KLHL30: variants seen among roughly 807,000 people sequenced by gnomAD.
The protein encoded by KLHL30 is kelch-like protein 30.
In KLHL30, 55 loss-of-function variants were observed where a neutral mutation model predicts 55.0. The ratio of observed to expected loss-of-function variants is 1.00; its 90% CI spans 0.80 to 1.25. The LOEUF is 1.25. Among genes scored for constraint, KLHL30 ranks in the 50% most tolerant of loss-of-function variants. The probability of loss-of-function intolerance (pLI) is 0.00; values close to 1 mark genes in which losing one functional copy is unlikely to be tolerated. For synonymous variants in KLHL30, 356 were observed against 372.6 expected (o/e 0.96, Z 0.51); for missense variants, 786 against 811.6 (o/e 0.97, Z 0.38).
chr2:238,141,548 G>A lies in KLHL30; in HGVS notation c.774+20G>A, dbSNP rs376798084. 4.2e-6 allele frequency: 6 copies of A among 1,433,864 alleles called. No homozygotes were observed. Among genetic ancestry groups the A allele is most frequent in the Non-Finnish European group, 5.5e-6 (6 of 1,098,354 alleles). 88.8% of individuals were successfully genotyped at this position (1,433,864 alleles called of 1,614,324 possible). ...GATGGGGTGAGTGAGCGGCTGGGAG[G>A]CCCCATCCCTGGGAAGCAGGGAGGA... On this transcript the variant is annotated intron_variant, in intron 2 of 7. Transcript: ENST00000409223.
chr2:238,144,432 A>AGGAAGGAAGGC (rs1692607584), intron 3 of KLHL30, among the ~76,000 whole-genome samples: 1 of 82,380 alleles, frequency 1.2e-5, no homozygotes, highest in African/African-American at 4.6e-5. Context: ...GGAAGGAAGG[A>AGGAAGGAAGGC]AGGCAGGCAG....
chr2:238,145,298 G>A (rs760974665), intron 4 of KLHL30, among the ~76,000 whole-genome samples: 2 of 152,182 alleles, frequency 1.3e-5, no homozygotes, highest in African/African-American at 2.4e-5. Flanking sequence ...CGAGGTTGCA[G>A]GCGGCCTCCT....
intron 7 of KLHL30, 34 bp from the exon 8 acceptor site, chr2:238,150,780 G>T: frequency 6.5e-7 from 1 of 1,546,204 alleles, no homozygotes; most frequent in Non-Finnish European, 8.7e-7. Context: ...TCCAGCTCCC[G>T]CCCACCGGAC....
In KLHL30 at chr2:238,141,432, C is replaced by T. The variant is rs748440643; in HGVS notation, c.678C>T (p.Ala226=). ...TGCTCAGCCTAGTGCACCTGGACGC[C>T]GTGCCCAGGCCCTGCGTGCAGCAAC... ...PELLSLVHLD[A]VPRPCVQQLL... Residue 226 remains alanine (A), a synonymous_variant, in exon 2 of 8, where the codon GCC becomes GCT. Transcript: ENST00000409223. 1.6e-5 allele frequency: 25 copies of T among 1,556,632 alleles called. No homozygotes were observed. Among genetic ancestry groups the T allele is most frequent in the East Asian group, 7.1e-5 (3 of 42,482 alleles).
intron 5 of KLHL30, among the ~76,000 whole-genome samples, chr2:238,146,174 A>G (rs1346565405): frequency 6.6e-6 from 1 of 152,086 alleles, no homozygotes; most frequent in Non-Finnish European, 1.5e-5. Context: ...ACCTGCAGCT[A>G]CAGCAAGGAG....
In KLHL30 at chr2:238,140,950, T is replaced by G. The variant is rs779033412; in HGVS notation, c.196T>G (p.Phe66Val). The stretch of plus-strand genomic sequence containing the variant: ...CTTCCATGCCATGTTTGCGGGTGAC[T>G]TCGCCGAGAGCTTCTCTGCGCGCGT... ...PYFHAMFAGD[F>V]AESFSARVEL... Residue 66 changes from phenylalanine to valine, a missense_variant, in exon 2 of 8, where the codon TTC becomes GTC. By Grantham distance (50) the Phe-to-Val change is conservative (BLOSUM62 -1). Coordinates refer to ENST00000409223, the MANE Select transcript of KLHL30 (RefSeq NM_198582.4). The G allele has an allele frequency of 6.2e-7, 1 of 1,611,710 alleles. No individual in the cohort carries two copies. The highest frequency in any genetic ancestry group is 1.1e-5 in the South Asian group (1 of 91,020).
chr2:238,147,813 G>T lies in KLHL30; in HGVS notation c.1151-21G>T, dbSNP rs746616112. The T allele has an allele frequency of 1.4e-6, 2 of 1,430,454 alleles. No individual in the cohort carries two copies. Among genetic ancestry groups the T allele is most frequent in the Non-Finnish European group, 9.3e-7 (1 of 1,076,960 alleles). The allele number at this position is 1,430,454 out of a possible 1,614,324, so 88.6% of individuals were successfully genotyped here. ...CCCCTCTCCTCCCCAGCCCTGAACT[G>T]CCCCCGCCCTCACCCCACAGGCACC... On this transcript the variant is annotated intron_variant, in intron 5 of 7. Transcript: ENST00000409223. This position sits in a 1 kb window ranked among gnomAD's most constrained non-coding sequence, Gnocchi z 5.8.
At chr2:238,148,299 G>A (rs1311408500) in intron 6 of KLHL30, among the ~76,000 whole-genome samples, 5 of 152,190 alleles carry the variant, frequency 3.3e-5, no homozygotes, top group African/African-American at 1.2e-4. Flanking sequence ...AGTGGGCTGG[G>A]GCTGGGGGTG....
intron 7 of KLHL30, among the ~76,000 whole-genome samples, chr2:238,150,269 GACCGGCCTCCCGCTTCCCACCCGCCC>G (rs1263317084): frequency 6.6e-6 from 1 of 152,144 alleles, no homozygotes; most frequent in Admixed American, 6.5e-5. Context: ...GGAGGCCACA[GACCGGCCTCCCGCTTCCCACCCGCCC>G]GGGCTCTTCC....
chr2:238,150,012 G>A (rs879762498), intron 7 of KLHL30, among the ~76,000 whole-genome samples: 11 of 152,168 alleles, frequency 7.2e-5, no homozygotes, highest in Non-Finnish European at 1.5e-4. Flanking sequence ...CAGGACTTCT[G>A]CAATCCTGCT....
At position 238,148,467 on chromosome 2, in the gene KLHL30, G is replaced by A. The variant is rs572446647; in HGVS notation, c.1339+445G>A. ...TCTGTGCCAGAGTTTGAGGCCCAGC[G>A]CAGCCTCCCTGAGCTCTGAGCCGTC... is the stretch of plus-strand genomic sequence containing the variant. On this transcript the variant is annotated intron_variant, in intron 6 of 7. Coordinates refer to ENST00000409223, the MANE Select transcript of KLHL30 (RefSeq NM_198582.4). 1.3e-3 allele frequency among the ~76,000 whole-genome samples: 200 copies of A among 152,332 alleles called. 1 individual carries two copies. Among genetic ancestry groups the A allele is most frequent in the African/African-American group, 4.5e-3 (187 of 41,572 alleles).
rs7601275 is a variant in KLHL30, at chr2:238,152,125, G to C, written c.*1060G>C. 2 of 985,296 alleles carry C rather than the reference G, an allele frequency of 2.0e-6. No homozygotes were observed. The highest frequency in any genetic ancestry group is 2.4e-6 in the Non-Finnish European group (2 of 829,936). The allele number at this position is 985,296 out of a possible 1,614,324, so 61.0% of individuals were successfully genotyped here. On this transcript the variant is annotated 3_prime_UTR_variant, in exon 8 of 8. Transcript: ENST00000409223. The stretch of plus-strand genomic sequence containing the variant: ...GACATGGGGCTAGAAGTCAGGAGTC[G>C]GGCCCGGCCAGGCACAGGCCCTGGT...
At position 238,149,125 on chromosome 2, in the gene KLHL30, C is replaced by T. The variant is rs371807447; in HGVS notation, c.1458C>T (p.Tyr486=). 118 of 1,612,980 alleles carry T rather than the reference C, an allele frequency of 7.3e-5. 1 individual carries two copies. In the South Asian group the frequency reaches 9.7e-4, roughly 13 times the overall value. The change falls in exon 7 of 8, where the codon TAC becomes TAT. Residue 486 remains tyrosine, a synonymous_variant. Coordinates refer to ENST00000409223, the MANE Select transcript of KLHL30 (RefSeq NM_198582.4). ...IGDNTKKVYV[Y]DPGANLWQKV... Reference sequence around the variant, plus strand: ...ACAACACCAAGAAGGTCTACGTGTACGACCCCGGGGCCAACCTGTGGCAGA... The same window carrying T: ...ACAACACCAAGAAGGTCTACGTGTATGACCCCGGGGCCAACCTGTGGCAGA...
intron 3 of KLHL30, among the ~76,000 whole-genome samples, chr2:238,144,375 G>GA (rs1692594143): frequency 2.6e-5 from 1 of 39,116 alleles, no homozygotes; most frequent in Non-Finnish European, 5.4e-5. Flanking sequence ...TGCTCGGAAG[G>GA]AAGGAAGGAA....
At chr2:238,144,863 C>A in intron 3 of KLHL30, 39 bp from the exon 4 acceptor site, 4 of 1,494,288 alleles carry the variant, frequency 2.7e-6, no homozygotes, top group Non-Finnish European at 2.8e-6. Context: ...CAGCAGGGAG[C>A]CTGGCAGCCT....
In KLHL30 at chr2:238,142,948, C is replaced by A. The variant is rs1490385160; in HGVS notation, c.907+17C>A. ...GCAAGGCCAGTGAGTACCCCTCCCG[C>A]GTCCAGACCCACCTGCTGTCTCTCT... On this transcript the variant is annotated intron_variant, in intron 3 of 7. Coordinates refer to ENST00000409223, the MANE Select transcript of KLHL30 (RefSeq NM_198582.4). 14 of 1,503,512 alleles carry A rather than the reference C, an allele frequency of 9.3e-6. No individual in the cohort carries two copies. In the African/African-American group the frequency reaches 1.5e-4, roughly 16 times the overall value. 93.1% of individuals were successfully genotyped at this position (1,503,512 alleles called of 1,614,324 possible).
At chr2:238,150,785 C>T in intron 7 of KLHL30, 29 bp from the exon 8 acceptor site, 1 of 1,551,774 alleles carries the variant, frequency 6.4e-7, no homozygotes, top group Non-Finnish European at 8.7e-7. Context: ...CTCCCGCCCA[C>T]CGGACGCTAA....
chr2:238,139,764 C>T (rs1692498660), intron 1 of KLHL30, among the ~76,000 whole-genome samples: 2 of 152,336 alleles, frequency 1.3e-5, no homozygotes, highest in Non-Finnish European at 2.9e-5. Flanking sequence ...CCCTAGCGGG[C>T]GAACGGCCTC....
chr2:238,149,436 A>G (rs371081866), intron 7 of KLHL30, among the ~76,000 whole-genome samples: 1 of 152,070 alleles, frequency 6.6e-6, no homozygotes, highest in African/African-American at 2.4e-5. Flanking sequence ...GCCCACAATA[A>G]AGTGGGTGGC....
Sources: gnomAD v4.1 joint callset for allele counts (sites outside exome capture counted in the v4.1 genomes callset) on GRCh38, gnomAD v4.1.1 for gene constraint, Gnocchi (gnomAD v3.1) non-coding constraint, MANE v1.5 for transcripts, NCBI Gene and HGNC (gene_info 2026-07-23, HGNC 2026-07-21) for gene names.